PTPRN2: variants seen among roughly 807,000 people sequenced by gnomAD.
PTPRN2 encodes the protein receptor-type tyrosine-protein phosphatase N2.
PTPRN2 carries 74 observed loss-of-function variants against 118.8 expected under a neutral mutation model. That is an observed-to-expected ratio of 0.62 (90% confidence interval 0.52 to 0.76). The LOEUF (loss-of-function observed/expected upper bound fraction) is 0.76, where lower values mean the gene tolerates loss of function less well. Among genes scored for constraint, PTPRN2 ranks in the 30% least tolerant of loss-of-function variants. The pLI, the probability that PTPRN2 is intolerant of heterozygous loss-of-function variation, is 0.00. For synonymous variants in PTPRN2, 641 were observed against 608.0 expected (o/e 1.05, Z -0.80); for missense variants, 1,481 against 1,394.4 (o/e 1.06, Z -0.99).
At chr7:158,112,624 T>TCAGGAG (rs1362987927) in intron 9 of PTPRN2, among the ~76,000 whole-genome samples, 1 of 151,964 alleles carries the variant, frequency 6.6e-6, no homozygotes, top group Non-Finnish European at 1.5e-5. Flanking sequence ...GCTGACAGAG[T>TCAGGAG]CAGGAGTTTA....
chr7:157,752,125 G>A (rs992642955), intron 12 of PTPRN2, among the ~76,000 whole-genome samples: 2 of 152,170 alleles, frequency 1.3e-5, no homozygotes, highest in African/African-American at 2.4e-5. Context: ...ACGCACTCAC[G>A]AGGGGCTCTT....
chr7:157,573,133 C>T (rs1799843790), intron 19 of PTPRN2, among the ~76,000 whole-genome samples: 1 of 152,232 alleles, frequency 6.6e-6, no homozygotes, highest in Non-Finnish European at 1.5e-5. Context: ...AGAATGGATA[C>T]CAGGCCTCAG....
intron 6 of PTPRN2, among the ~76,000 whole-genome samples, chr7:158,152,485 G>A (rs117313622): frequency 1.3e-5 from 2 of 152,186 alleles, no homozygotes; most frequent in African/African-American, 2.4e-5. Flanking sequence ...GCAGCCCCAC[G>A]TGGAGAGTTC....
rs1426310190 is a variant in PTPRN2 at position 158,205,208 on chromosome 7, T to C, written c.343A>G (p.Thr115Ala). 3 of 1,614,108 alleles carry C rather than the reference T, an allele frequency of 1.9e-6. No homozygotes were observed. The Admixed American group carries it at 5.0e-5, about 27-fold the overall frequency. Residue 115 changes from threonine (T) to alanine (A), a missense_variant, in exon 4 of 23, where the codon ACC (threonine) becomes GCC (alanine). By Grantham distance (58) the Thr-to-Ala change is moderately conservative (BLOSUM62 0). This residue lies in a region of PTPRN2 where 1,115 missense variants were observed against 994.2 expected (regional missense o/e 1.12). Coordinates refer to ENST00000389418, the MANE Select transcript of PTPRN2 (RefSeq NM_002847.5). Reference protein sequence around the residue: ...MDQELADLPKTYLRRPEASSP... With the variant: ...MDQELADLPKAYLRRPEASSP... ...GATGCTTCAGGACGCCTCAGGTAGG[T>C]TTTCGGGAGGTCTGCAAGTTCCTGG...
At chr7:158,530,438 C>T (rs1010997255) in intron 1 of PTPRN2, among the ~76,000 whole-genome samples, 10 of 152,170 alleles carry the variant, frequency 6.6e-5, no homozygotes, top group African/African-American at 1.9e-4. Flanking sequence ...CATCCCACGC[C>T]GGCCTCCCCG....
chr7:158,152,323 T>C (rs1184083425), intron 6 of PTPRN2, among the ~76,000 whole-genome samples: 1 of 152,086 alleles, frequency 6.6e-6, no homozygotes, highest in Non-Finnish European at 1.5e-5. Flanking sequence ...AAGGTGAAGT[T>C]TCAGCAGAGG....
At chr7:157,612,983 G>T (rs967460623) in intron 15 of PTPRN2, among the ~76,000 whole-genome samples, 1 of 152,166 alleles carries the variant, frequency 6.6e-6, no homozygotes, top group Non-Finnish European at 1.5e-5. Context: ...CAGCTCCGGA[G>T]GGTTGATCTC....
chr7:158,329,326 C>A (rs893725169), intron 2 of PTPRN2, among the ~76,000 whole-genome samples: 1 of 152,330 alleles, frequency 6.6e-6, no homozygotes, highest in African/African-American at 2.4e-5. Flanking sequence ...GCGCGCCCAG[C>A]ACTTCCCAGC....
At chr7:158,041,756 G>A (rs543787149) in intron 11 of PTPRN2, among the ~76,000 whole-genome samples, 8 of 152,286 alleles carry the variant, frequency 5.3e-5, no homozygotes, top group East Asian at 3.9e-4. Context: ...AGAAACCTGC[G>A]TGCTTGGGTC....
intron 2 of PTPRN2, among the ~76,000 whole-genome samples, chr7:158,337,425 A>T (rs1805859090): frequency 1.4e-5 from 2 of 138,868 alleles, no homozygotes; most frequent in African/African-American, 2.8e-5. Flanking sequence ...CCACACTCTC[A>T]CCATAAGAGG....
At chr7:157,726,352 C>T (rs1234295368) in intron 12 of PTPRN2, among the ~76,000 whole-genome samples, 3 of 149,298 alleles carry the variant, frequency 2.0e-5, no homozygotes, top group Admixed American at 6.7e-5. Context: ...GCCATACCCT[C>T]GCCTCCCAGG....
At chr7:158,274,416 G>A (rs1219827797) in intron 3 of PTPRN2, among the ~76,000 whole-genome samples, 5 of 136,844 alleles carry the variant, frequency 3.7e-5, no homozygotes, top group African/African-American at 1.1e-4. Flanking sequence ...AGGCACAGGG[G>A]GAGCCGCAGA....
Position 157,603,865 on chromosome 7 carries a change from C to A in PTPRN2, c.2418+137G>T, listed in dbSNP as rs1011261742. 8.5e-5 allele frequency: 67 copies of A among 792,160 alleles called. No individual in the cohort carries two copies. Among genetic ancestry groups the A allele is most frequent in the Non-Finnish European group, 1.2e-4 (62 of 502,832 alleles). The allele number at this position is 792,160 out of a possible 1,614,324, so 49.1% of individuals were successfully genotyped here. A position where few individuals can be genotyped will look rare whatever the true frequency, so the allele number is the denominator to read the frequency against. On this transcript the variant is annotated intron_variant, in intron 16 of 22. Coordinates refer to ENST00000389418, the MANE Select transcript of PTPRN2 (RefSeq NM_002847.5). This position sits in a 1 kb window ranked among gnomAD's most constrained non-coding sequence, Gnocchi z 5.4. ...AGGGGAGTGGCGGGAGCCCAATGGG[C>A]AGAGTCGGCCCTGTCCACCGCAGAG...
At position 158,494,054 on chromosome 7, in the gene PTPRN2, C is replaced by T. The variant is rs898485347; in HGVS notation, c.113-4269G>A. Among the ~76,000 whole-genome samples the T allele has an allele frequency of 5.1e-4, 77 of 152,312 alleles. 2 individuals carry two copies. Among genetic ancestry groups the T allele is most frequent in the South Asian group, 6.2e-4 (3 of 4,820 alleles). On this transcript the variant is annotated intron_variant, in intron 1 of 22. Transcript: ENST00000389418. Reference sequence around the variant, plus strand: ...TACCCTTCTCAAGATGAAAATGGATCCAGTTTTGCAAGGAGTCAGGCTGGA... The same window carrying T: ...TACCCTTCTCAAGATGAAAATGGATTCAGTTTTGCAAGGAGTCAGGCTGGA...
At chr7:157,810,857 AG>A (rs35068242) in intron 12 of PTPRN2, among the ~76,000 whole-genome samples, 1 of 152,082 alleles carries the variant, frequency 6.6e-6, no homozygotes, top group Non-Finnish European at 1.5e-5. Flanking sequence ...TCCTCACCCC[AG>A]GGCTCACGCT....
chr7:158,235,541 TG>T (rs1274190823), intron 3 of PTPRN2, among the ~76,000 whole-genome samples: 2 of 152,114 alleles, frequency 1.3e-5, no homozygotes, highest in Non-Finnish European at 2.9e-5. Context: ...AGCTAACAAA[TG>T]GATCTCATGA....
In PTPRN2 at chr7:157,553,273, A is replaced by G. The variant is rs149953048; in HGVS notation, c.2903-4254T>C. Among the ~76,000 whole-genome samples, 512 of 152,286 alleles carry G rather than the reference A, an allele frequency of 3.4e-3. 4 individuals are homozygous for G. Among genetic ancestry groups the G allele is most frequent in the African/African-American group, 0.012 (488 of 41,552 alleles). On this transcript the variant is annotated intron_variant, in intron 21 of 22. Transcript: ENST00000389418. ...TTTTTTAAAACGACTGTCAACAGCA[A>G]TGTCATCTGAAGGGCTGTGTGTATG...
chr7:157,922,439 C>T (rs949797069), intron 11 of PTPRN2, among the ~76,000 whole-genome samples: 1 of 152,040 alleles, frequency 6.6e-6, no homozygotes, highest in African/African-American at 2.4e-5. Context: ...ACCACACCTG[C>T]GGCAAAGCTG....
rs1432506586 is a variant in PTPRN2 at position 158,546,168 on chromosome 7, G to A, written c.112+41390C>T. On this transcript the variant is annotated intron_variant, in intron 1 of 22. Transcript: ENST00000389418. The surrounding 1 kb of genome is among the most constrained non-coding windows in gnomAD (Gnocchi z 5.0). The stretch of plus-strand genomic sequence containing the variant: ...TGGGTGTGAGCATGAGGACAGGAAG[G>A]GGGAAGGGGCTGGACACGGCCTGTC... Among the ~76,000 whole-genome samples, 1 of 152,192 alleles carries A rather than the reference G, an allele frequency of 6.6e-6. No homozygotes were observed. The highest frequency in any genetic ancestry group is 2.4e-5 in the African/African-American group (1 of 41,444).
Sources: allele counts gnomAD v4.1 joint callset (sites outside exome capture counted in the v4.1 genomes callset), GRCh38; gene constraint gnomAD v4.1.1; regional missense constraint gnomAD v4.1.1; non-coding constraint Gnocchi (gnomAD v3.1); transcripts MANE v1.5; gene names NCBI Gene and HGNC (gene_info 2026-07-23, HGNC 2026-07-21).